ZNF407: variants seen among roughly 807,000 people sequenced by gnomAD.
The protein encoded by ZNF407 is zinc finger protein 407.
ZNF407 carries 17 observed loss-of-function variants against 131.2 expected under a neutral mutation model. The ratio of observed to expected loss-of-function variants is 0.13; its 90% CI spans 0.09 to 0.19. ZNF407 has a LOEUF of 0.19. Among genes scored for constraint, ZNF407 ranks in the 10% least tolerant of loss-of-function variants. ZNF407 has a pLI of 1.00. For missense variants in ZNF407, 2,681 were observed against 2,830.6 expected (o/e 0.95, Z 1.20); for synonymous variants, 1,156 against 1,062.0 (o/e 1.09, Z -1.72).
intron 3 of ZNF407, among the ~76,000 whole-genome samples, chr18:74,652,915 T>C (rs553016662): frequency 6.6e-6 from 1 of 152,200 alleles, no homozygotes; most frequent in South Asian, 2.1e-4. Flanking sequence ...ATCAGTCATA[T>C]AAGCTATGAC....
Position 74,849,353 on chromosome 18 carries a change from C to T in ZNF407, c.4878-27844C>T, listed in dbSNP as rs536337282. Among the ~76,000 whole-genome samples the T allele has an allele frequency of 2.6e-5, 4 of 152,312 alleles. No individual in the cohort carries two copies. The South Asian group carries it at 6.2e-4, about 24-fold the overall frequency. On this transcript the variant is annotated intron_variant, in intron 4 of 8. Coordinates refer to ENST00000299687, the MANE Select transcript of ZNF407 (RefSeq NM_017757.3). ...TGTGCCTCCCAGAGTGCTGGGATTA[C>T]AGTCGTGAGCTACTGCACCCCGCCG...
intron 4 of ZNF407, among the ~76,000 whole-genome samples, chr18:74,834,376 G>A (rs72975455): frequency 0.08 from 12,159 of 152,268 alleles, 625 homozygotes; most frequent in South Asian, 0.17. Context: ...ATCTGGGTAT[G>A]AAGAAATCTC....
chr18:74,886,745 A>G (rs978546714), intron 6 of ZNF407, among the ~76,000 whole-genome samples: 5 of 152,174 alleles, frequency 3.3e-5, no homozygotes, highest in African/African-American at 1.2e-4. Flanking sequence ...AAAGGGATGA[A>G]CAGGGAACCT....
At position 74,863,474 on chromosome 18, in the gene ZNF407, A is replaced by T. The variant is rs17055775; in HGVS notation, c.4878-13723A>T. Among the ~76,000 whole-genome samples, 531 of 151,842 alleles carry T rather than the reference A, an allele frequency of 3.5e-3. 4 individuals are homozygous for T. The highest frequency in any genetic ancestry group is 0.012 in the African/African-American group (492 of 41,376). ...CTGTCTTTTACCACCTCCAGTTCTT[A>T]GCTCTTTTGTTTTTGTGAATAGCAT... On this transcript the variant is annotated intron_variant, in intron 4 of 8. Transcript: ENST00000299687.
intron 8 of ZNF407, among the ~76,000 whole-genome samples, chr18:75,012,982 A>G (rs1303342574): frequency 1.3e-5 from 2 of 150,408 alleles, no homozygotes; most frequent in African/African-American, 4.9e-5. Flanking sequence ...TGTAGGAGGC[A>G]CATAACGTGT....
chr18:75,010,932 C>G (rs532140976), intron 8 of ZNF407, among the ~76,000 whole-genome samples: 1 of 152,130 alleles, frequency 6.6e-6, no homozygotes, highest in Non-Finnish European at 1.5e-5. Context: ...ACAGTCAGAT[C>G]TCCTTAAGAA....
At chr18:74,847,276 A>G (rs1010221193) in intron 4 of ZNF407, among the ~76,000 whole-genome samples, 1 of 152,206 alleles carries the variant, frequency 6.6e-6, no homozygotes, top group African/African-American at 2.4e-5. Context: ...ACAGTGTTTA[A>G]CAGAAAGTCC....
chr18:75,009,323 C>T (rs1483443399), intron 8 of ZNF407, among the ~76,000 whole-genome samples: 2 of 152,172 alleles, frequency 1.3e-5, no homozygotes, highest in African/African-American at 4.8e-5. Flanking sequence ...CCACTGTACC[C>T]TGTCCTATTA....
At position 74,660,242 on chromosome 18, in the gene ZNF407, T is replaced by C. The variant is rs189823541; in HGVS notation, c.4802+19120T>C. 4.6e-4 allele frequency among the ~76,000 whole-genome samples: 70 copies of C among 152,236 alleles called. 1 individual carries two copies. The East Asian group carries it at 0.012, about 26-fold the overall frequency. On this transcript the variant is annotated intron_variant, in intron 3 of 8. Transcript: ENST00000299687. ...TAGCAGTTAGGGCTGTGGGTAAACATAGATTTTTTTTATTCATCATTGGTC... is the reference window on the plus strand; with the variant it reads ...TAGCAGTTAGGGCTGTGGGTAAACACAGATTTTTTTTATTCATCATTGGTC...
In ZNF407 at chr18:74,654,982, T is replaced by TC. The variant is rs1320469152; in HGVS notation, c.4802+13860_4802+13861insC. Among the ~76,000 whole-genome samples the TC allele has an allele frequency of 1.4e-4, 21 of 151,962 alleles. 1 individual carries two copies. Among genetic ancestry groups the TC allele is most frequent in the African/African-American group, 5.1e-4 (21 of 41,450 alleles). On this transcript the variant is annotated intron_variant, in intron 3 of 8. Transcript: ENST00000299687. The stretch of plus-strand genomic sequence containing the variant: ...ATCTAATGTTATTTTTTAAAGAACG[T>TC]ATTTTAAAAATGACTAAAAAGTGGT...
intron 4 of ZNF407, among the ~76,000 whole-genome samples, chr18:74,825,957 C>T (rs938401056): frequency 6.6e-6 from 1 of 152,170 alleles, no homozygotes; most frequent in Non-Finnish European, 1.5e-5. Context: ...TATAAGAGCT[C>T]ACCTAACCAC....
In ZNF407 at chr18:74,698,582, A is replaced by T. The variant is rs77465996; in HGVS notation, c.4802+57460A>T. Among the ~76,000 whole-genome samples the T allele has an allele frequency of 6.3e-3, 966 of 152,320 alleles. 7 individuals carry two copies. Among genetic ancestry groups the T allele is most frequent in the African/African-American group, 0.022 (903 of 41,564 alleles). On this transcript the variant is annotated intron_variant, in intron 3 of 8. Transcript: ENST00000299687. ...CCTTCCCAGGTCACCCTCTCTCATT[A>T]ATCCTTGCAGGGGACATTCATGGTG...
intron 7 of ZNF407, among the ~76,000 whole-genome samples, chr18:74,917,797 T>C (rs1971793008): frequency 6.6e-6 from 1 of 152,246 alleles, no homozygotes; most frequent in Non-Finnish European, 1.5e-5. Context: ...TTCATATGAT[T>C]GGTGATTGTC....
At chr18:74,840,424 A>G (rs1021308174) in intron 4 of ZNF407, among the ~76,000 whole-genome samples, 2 of 151,886 alleles carry the variant, frequency 1.3e-5, no homozygotes, top group African/African-American at 4.8e-5. Flanking sequence ...TAGTCTCTCC[A>G]TGTTGATGTC....
chr18:74,927,379 G>A lies in ZNF407; in HGVS notation c.5428+6687G>A, dbSNP rs545720838. On this transcript the variant is annotated intron_variant, in intron 8 of 8. Transcript: ENST00000299687. Reference sequence around the variant, plus strand: ...GCCTTAAAAATTTAGAGCTTTAAGAGTTCAAATAATCTAAACATATATTAG... The same window carrying A: ...GCCTTAAAAATTTAGAGCTTTAAGAATTCAAATAATCTAAACATATATTAG... 1.8e-3 allele frequency among the ~76,000 whole-genome samples: 281 copies of A among 152,270 alleles called. 1 individual carries two copies. Among genetic ancestry groups the A allele is most frequent in the African/African-American group, 6.1e-3 (253 of 41,540 alleles).
At chr18:74,861,763 T>G (rs1970940568) in intron 4 of ZNF407, among the ~76,000 whole-genome samples, 1 of 152,208 alleles carries the variant, frequency 6.6e-6, no homozygotes, top group Non-Finnish European at 1.5e-5. Flanking sequence ...TCGTGTTATA[T>G]TCAATACCCT....
At chr18:75,049,733 C>T (rs1005848863) in intron 8 of ZNF407, among the ~76,000 whole-genome samples, 10 of 152,152 alleles carry the variant, frequency 6.6e-5, no homozygotes, top group South Asian at 2.1e-4. Context: ...TTTAAGTATT[C>T]GTAAACTGAA....
At chr18:74,762,700 CT>C (rs1162903452) in intron 3 of ZNF407, among the ~76,000 whole-genome samples, 69 of 145,946 alleles carry the variant, frequency 4.7e-4, no homozygotes, top group South Asian at 4.3e-4. Context: ...TCTTGTCAGT[CT>C]TTTTTTTTTT....
At chr18:75,007,070 G>A (rs886972144) in intron 8 of ZNF407, among the ~76,000 whole-genome samples, 1 of 151,896 alleles carries the variant, frequency 6.6e-6, no homozygotes, top group African/African-American at 2.4e-5. Flanking sequence ...AGGTTAAAGT[G>A]GATCTTTGAA....
Sources: gnomAD v4.1 joint callset for allele counts (sites outside exome capture counted in the v4.1 genomes callset) on GRCh38, gnomAD v4.1.1 for gene constraint, MANE v1.5 for transcripts, NCBI Gene and HGNC (gene_info 2026-07-23, HGNC 2026-07-21) for gene names.